DNAH9: variants seen among roughly 807,000 people sequenced by gnomAD.
The protein encoded by DNAH9 is dynein axonemal heavy chain 9.
DNAH9 carries 345 observed loss-of-function variants against 471.6 expected under a neutral mutation model. The observed-to-expected ratio is 0.73, with a 90% CI of 0.67 to 0.80. The LOEUF is 0.80. Ranked by LOEUF, DNAH9 falls within the 30% of genes least tolerant of loss-of-function variation. The pLI is 0.00. For synonymous variants in DNAH9, 2,093 were observed against 2,123.6 expected (o/e 0.99, Z 0.40); for missense variants, 5,407 against 5,609.2 (o/e 0.96, Z 1.15).
chr17:11,880,229 CG>C (rs1567871454), intron 54 of DNAH9, 29 bp downstream of exon 54: 3 of 1,609,182 alleles, frequency 1.9e-6, no homozygotes, highest in Non-Finnish European at 2.5e-6. Flanking sequence ...GCTGACCCTT[CG>C]GGGGGAGCTG....
At chr17:11,613,928 A>G (rs1597390538) in intron 4 of DNAH9, among the ~76,000 whole-genome samples, 1 of 152,234 alleles carries the variant, frequency 6.6e-6, no homozygotes, top group Non-Finnish European at 1.5e-5. Flanking sequence ...ATAATTATTC[A>G]TATGAATTAA....
At chr17:11,901,631 G>T (rs1973419823) in intron 59 of DNAH9, among the ~76,000 whole-genome samples, 1 of 152,218 alleles carries the variant, frequency 6.6e-6, no homozygotes, top group Admixed American at 6.5e-5. Context: ...AGGAGGTGGA[G>T]GTTGCAGTGA....
intron 48 of DNAH9, among the ~76,000 whole-genome samples, chr17:11,832,612 T>A (rs1401869481): frequency 2.6e-5 from 4 of 152,222 alleles, no homozygotes; most frequent in Non-Finnish European, 4.4e-5. Flanking sequence ...TACACAAAAT[T>A]AAAGAGCATT....
intron 8 of DNAH9, among the ~76,000 whole-genome samples, chr17:11,635,248 C>G (rs1192762395): frequency 6.6e-6 from 1 of 151,786 alleles, no homozygotes; most frequent in Non-Finnish European, 1.5e-5. Context: ...CTCACTGCAA[C>G]CTATGCCTTC....
intron 36 of DNAH9, among the ~76,000 whole-genome samples, chr17:11,764,029 T>C (rs62063187): frequency 0.067 from 10,243 of 152,208 alleles, 450 homozygotes; most frequent in East Asian, 0.15. Flanking sequence ...AGAACAAGGA[T>C]GTACCACTCC....
intron 14 of DNAH9, among the ~76,000 whole-genome samples, chr17:11,655,901 C>T (rs962592147): frequency 2.6e-5 from 4 of 151,158 alleles, no homozygotes; most frequent in African/African-American, 4.9e-5. Context: ...CATATATATA[C>T]ACACACACAC....
At chr17:11,826,750 C>T (rs1477909296) in intron 48 of DNAH9, among the ~76,000 whole-genome samples, 1 of 151,730 alleles carries the variant, frequency 6.6e-6, no homozygotes, top group East Asian at 1.9e-4. Flanking sequence ...GTGTGAGCCA[C>T]CGCGCCCAGC....
At chr17:11,744,451 C>G (rs1039773113) in intron 30 of DNAH9, among the ~76,000 whole-genome samples, 2 of 152,190 alleles carry the variant, frequency 1.3e-5, no homozygotes, top group African/African-American at 4.8e-5. Flanking sequence ...TCTACCATCT[C>G]TAAGAGTTAA....
intron 50 of DNAH9, among the ~76,000 whole-genome samples, chr17:11,855,949 A>G (rs1353151593): frequency 6.6e-6 from 1 of 152,176 alleles, no homozygotes; most frequent in Non-Finnish European, 1.5e-5. Flanking sequence ...TCATGGGACT[A>G]TTATGAGAAT....
At chr17:11,917,542 T>C (rs1285407646) in intron 61 of DNAH9, among the ~76,000 whole-genome samples, 1 of 152,152 alleles carries the variant, frequency 6.6e-6, no homozygotes, top group Non-Finnish European at 1.5e-5. Flanking sequence ...TAACAGAGCT[T>C]TCACTGTACT....
At chr17:11,704,048 G>A (rs1380611603) in intron 24 of DNAH9, among the ~76,000 whole-genome samples, 155 bp from the exon 25 acceptor site, 2 of 152,204 alleles carry the variant, frequency 1.3e-5, no homozygotes, top group Admixed American at 6.5e-5. Context: ...CAAGGGTTTA[G>A]AGCATATGGT....
intron 51 of DNAH9, 59 bp downstream of exon 51, chr17:11,869,312 G>A (rs191599784): frequency 1.1e-4 from 172 of 1,596,848 alleles, no homozygotes; most frequent in African/African-American, 4.0e-4. Flanking sequence ...GTCAAATGCC[G>A]TGGAGGTGCA....
intron 67 of DNAH9, among the ~76,000 whole-genome samples, chr17:11,950,992 G>A (rs551630146): frequency 7.9e-5 from 12 of 152,056 alleles, no homozygotes; most frequent in African/African-American, 2.2e-4. Flanking sequence ...TCACGTTATC[G>A]GGTGACTCCA....
rs1249316454 is a variant in DNAH9 at position 11,652,977 on chromosome 17, G to C, written c.2570G>C (p.Gly857Ala). The C allele has an allele frequency of 1.2e-6, 2 of 1,613,882 alleles. No individual in the cohort carries two copies. Among genetic ancestry groups the C allele is most frequent in the African/African-American group, 2.7e-5 (2 of 74,928 alleles). ...TATTACAATCTCATCAAGGAATCTGGCCTTAAGATCCACGCCCTTGTTCAG... is the reference window on the plus strand; with the variant it reads ...TATTACAATCTCATCAAGGAATCTGCCCTTAAGATCCACGCCCTTGTTCAG... Reference protein sequence around the residue: ...EKYYNLIKESGLKIHALVQEN... With the variant: ...EKYYNLIKESALKIHALVQEN... The change falls in exon 14 of 69, where the codon GGC becomes GCC. Residue 857 changes from glycine (G) to alanine (A), a missense_variant. Gly to Ala is a moderately conservative substitution (Grantham distance 60, BLOSUM62 0). Around this residue, in one of 3 missense-constraint regions of DNAH9, gnomAD observed 4,636 missense variants for 4,900.3 expected, o/e 0.95. Transcript: ENST00000262442.
chr17:11,874,824 A>C, intron 52 of DNAH9, 125 bp from the exon 53 acceptor site: 1 of 714,346 alleles, frequency 1.4e-6, no homozygotes, highest in Non-Finnish European at 2.4e-6. Context: ...CCAGAAAGGC[A>C]TTCTTCAGTG....
At chr17:11,715,990 T>C (rs2074953759) in intron 26 of DNAH9, among the ~76,000 whole-genome samples, 2 of 151,870 alleles carry the variant, frequency 1.3e-5, no homozygotes, top group Admixed American at 1.3e-4. Flanking sequence ...CAGGGATATG[T>C]CCCAAAGGAC....
chr17:11,606,064 G>T (rs1423354265), intron 1 of DNAH9, among the ~76,000 whole-genome samples: 5 of 152,096 alleles, frequency 3.3e-5, no homozygotes, highest in Non-Finnish European at 7.4e-5. Context: ...TTCTGCCCTG[G>T]GTTCAAATGG....
chr17:11,856,543 C>CA (rs34782323), intron 50 of DNAH9, among the ~76,000 whole-genome samples: 23 of 137,060 alleles, frequency 1.7e-4, no homozygotes, highest in South Asian at 1.2e-3. Flanking sequence ...ACTAAAAATA[C>CA]AAAAAAAAAA....
In DNAH9 at chr17:11,623,609, G is replaced by T. The variant is rs2072916272; in HGVS notation, c.1350+3828G>T. On this transcript the variant is annotated intron_variant, in intron 6 of 68. Transcript: ENST00000262442. The surrounding 1 kb of genome is among the most constrained non-coding windows in gnomAD (Gnocchi z 4.1). ...TCAGCTGTCCTCTGGCATATTTCAT[G>T]TAGGCCTTTAGTTAATATTCTGTGT... 6.6e-6 allele frequency among the ~76,000 whole-genome samples: 1 copy of T among 152,130 alleles called. No homozygotes were observed. The highest frequency in any genetic ancestry group is 2.4e-5 in the African/African-American group (1 of 41,410).
Sources: gnomAD v4.1 joint callset for allele counts (sites outside exome capture counted in the v4.1 genomes callset) on GRCh38, gnomAD v4.1.1 for gene constraint, gnomAD v4.1.1 regional missense constraint, Gnocchi (gnomAD v3.1) non-coding constraint, MANE v1.5 for transcripts, NCBI Gene and HGNC (gene_info 2026-07-23, HGNC 2026-07-21) for gene names.